AP2B1: variants seen among roughly 807,000 people sequenced by gnomAD.
AP2B1 encodes the protein AP-2 complex subunit beta.
A neutral mutation model predicts 102.0 loss-of-function variants in AP2B1; 23 were observed. That is an observed-to-expected ratio of 0.23 (90% CI 0.16 to 0.32). AP2B1 has a LOEUF of 0.32. AP2B1 is among the 10% of genes least tolerant of loss of function. The pLI is 1.00. For missense variants in AP2B1, 541 were observed against 1,157.4 expected (o/e 0.47, Z 7.73); for synonymous variants, 381 against 421.2 (o/e 0.90, Z 1.17).
chr17:35,624,391 T>A lies in AP2B1; in HGVS notation c.526-6T>A. 6.2e-7 allele frequency: 1 copy of A among 1,613,898 alleles called. No homozygotes were observed. The highest frequency in any genetic ancestry group is 8.5e-7 in the Non-Finnish European group (1 of 1,179,922). ...TGAATCAAGGTCATACCCCCTTCTT[T>A]TCCAGGTGGTGGCTAATGCCGTAGC... On this transcript the variant is annotated splice_region_variant and splice_polypyrimidine_tract_variant and intron_variant, in intron 5 of 21. Coordinates refer to ENST00000610402, the MANE Select transcript of AP2B1 (RefSeq NM_001030006.2).
rs1325990209 is a variant in AP2B1 at position 35,671,979 on chromosome 17, TCTA to T, written c.2178+82_2178+84del. ...TTTCACTTTCAACATTTGTGTTACT[TCTA>T]CTGGTAATAAATCAAAGGTTTGGGC... On this transcript the variant is annotated intron_variant, in intron 16 of 21. Transcript: ENST00000610402. 5 of 1,497,850 alleles carry T rather than the reference TCTA, an allele frequency of 3.3e-6. No homozygotes were observed. In the Admixed American group the frequency reaches 9.0e-5, roughly 27 times the overall value. 92.8% of individuals were successfully genotyped at this position (1,497,850 alleles called of 1,614,324 possible). A position where few individuals can be genotyped will look rare whatever the true frequency, so the allele number is the denominator to read the frequency against.
chr17:35,698,230 T>C (rs1364529153), intron 18 of AP2B1, among the ~76,000 whole-genome samples: 1 of 152,202 alleles, frequency 6.6e-6, no homozygotes, highest in Non-Finnish European at 1.5e-5. Context: ...AATGAATTTT[T>C]TTCACTCAGT....
chr17:35,625,672 A>G (rs1232295476), intron 6 of AP2B1, among the ~76,000 whole-genome samples: 2 of 151,498 alleles, frequency 1.3e-5, no homozygotes, highest in African/African-American at 2.4e-5. Context: ...TATAATATGT[A>G]TAGATAGTGT....
chr17:35,609,743 T>C (rs981129096), intron 5 of AP2B1, among the ~76,000 whole-genome samples: 2 of 152,168 alleles, frequency 1.3e-5, no homozygotes, highest in African/African-American at 4.8e-5. Context: ...CCTCAGTGAA[T>C]TACTGTGCTT....
At chr17:35,676,760 T>A (rs1485923620) in intron 17 of AP2B1, among the ~76,000 whole-genome samples, 1 of 146,230 alleles carries the variant, frequency 6.8e-6, no homozygotes, top group African/African-American at 2.6e-5. Flanking sequence ...ACTACTAATT[T>A]TAAGCATTTT....
chr17:35,704,819 T>C (rs2076307943), intron 18 of AP2B1, among the ~76,000 whole-genome samples: 1 of 151,750 alleles, frequency 6.6e-6, no homozygotes, highest in Admixed American at 6.6e-5. Context: ...GATCACGAGG[T>C]CAGGAATTCG....
intron 10 of AP2B1, 59 bp downstream of exon 10, chr17:35,636,515 T>A: frequency 7.7e-7 from 1 of 1,297,488 alleles, no homozygotes; most frequent in South Asian, 1.2e-5. Flanking sequence ...TTTAAGGCAC[T>A]TTGAAATTGC....
intron 18 of AP2B1, among the ~76,000 whole-genome samples, chr17:35,708,022 T>G (rs2076378511): frequency 6.6e-6 from 1 of 152,212 alleles, no homozygotes; most frequent in African/African-American, 2.4e-5. Context: ...AAGTTGATAC[T>G]AAATGTAGAA....
intron 5 of AP2B1, chr17:35,621,281 A>G (rs1430320145): frequency 1.0e-6 from 1 of 984,934 alleles, no homozygotes; most frequent in Admixed American, 6.1e-5. Context: ...CTTTAGATTC[A>G]GTGCGACTGA....
At position 35,725,288 on chromosome 17, in the gene AP2B1, G is replaced by A. The variant is rs1171370892; in HGVS notation, c.*1589G>A. ...GCATTGCCTGGCACCCAATATTCAG[G>A]GTCCATGACTAAGACTGGTCTTCTC... On this transcript the variant is annotated 3_prime_UTR_variant, in exon 22 of 22. Transcript: ENST00000610402. 2 of 152,120 alleles carry A rather than the reference G, an allele frequency of 1.3e-5. No individual in the cohort carries two copies. The highest frequency in any genetic ancestry group is 2.1e-4 in the South Asian group (1 of 4,828). The allele number at this position is 152,120 out of a possible 1,614,324, so 9.4% of individuals were successfully genotyped here.
At chr17:35,681,047 T>C (rs2075814201) in intron 17 of AP2B1, among the ~76,000 whole-genome samples, 1 of 152,104 alleles carries the variant, frequency 6.6e-6, no homozygotes, top group Non-Finnish European at 1.5e-5. Context: ...TCCTCCCACA[T>C]ATGTATTTGT....
Position 35,627,495 on chromosome 17 carries a change from A to G in AP2B1, c.1049A>G (p.Asn350Ser). 2.5e-6 allele frequency: 4 copies of G among 1,614,080 alleles called. No homozygotes were observed. Among genetic ancestry groups the G allele is most frequent in the East Asian group, 2.2e-5 (1 of 44,878 alleles). ...DIMIRLASQA[N>S]IAQVLAELKE... ...ATGATTCGTTTGGCATCTCAAGCCAACATTGCTCAGGTCAGACTTTATGCA... is the reference window on the plus strand; with the variant it reads ...ATGATTCGTTTGGCATCTCAAGCCAGCATTGCTCAGGTCAGACTTTATGCA... The change falls in exon 8 of 22, where the codon AAC becomes AGC. Residue 350 changes from asparagine (N) to serine (S), a missense_variant. Coordinates refer to ENST00000610402, the MANE Select transcript of AP2B1 (RefSeq NM_001030006.2).
intron 13 of AP2B1, among the ~76,000 whole-genome samples, chr17:35,653,216 C>CT (rs1035426423): frequency 3.6e-4 from 55 of 152,270 alleles, no homozygotes; most frequent in African/African-American, 1.3e-3. Flanking sequence ...TTGATCCTTG[C>CT]TTTAATAAAA....
chr17:35,603,316 G>A (rs1461627800), intron 3 of AP2B1, among the ~76,000 whole-genome samples: 1 of 152,084 alleles, frequency 6.6e-6, no homozygotes, highest in African/African-American at 2.4e-5. Context: ...ATAAAGCATT[G>A]TGGGGAAGAT....
In AP2B1 at chr17:35,624,493, C is replaced by T. The variant is rs561847181; in HGVS notation, c.622C>T (p.Leu208=). ...DLNPQNINKL[L]TALNECTEWG... is the part of the protein sequence containing the mutation. Reference sequence around the variant, plus strand: ...GAACCCACAGAACATTAATAAGCTGCTGACAGCCCTGAATGAATGCACTGA... The same window carrying T: ...GAACCCACAGAACATTAATAAGCTGTTGACAGCCCTGAATGAATGCACTGA... The change falls in exon 6 of 22, where the codon CTG becomes TTG. Residue 208 remains leucine (L), a synonymous_variant. Transcript: ENST00000610402. 2.5e-6 allele frequency: 4 copies of T among 1,614,186 alleles called. No individual in the cohort carries two copies. In the East Asian group the frequency reaches 6.7e-5, roughly 27 times the overall value.
intron 18 of AP2B1, among the ~76,000 whole-genome samples, chr17:35,700,774 G>C (rs1258955998): frequency 6.6e-6 from 1 of 152,198 alleles, no homozygotes; most frequent in African/African-American, 2.4e-5. Context: ...CTAATTGCTG[G>C]TTACAGGCTT....
Position 35,717,446 on chromosome 17 carries a change from C to T in AP2B1, c.2781+97C>T, listed in dbSNP as rs1057328480. 78 of 1,374,506 alleles carry T rather than the reference C, an allele frequency of 5.7e-5. No homozygotes were observed. The Admixed American group carries it at 1.3e-3, about 23-fold the overall frequency. 85.1% of individuals were successfully genotyped at this position (1,374,506 alleles called of 1,614,324 possible). ...ACCCTAGAAAGACCTGGAGGAGGTG[C>T]TTTAAACCTGAGATATACAAAATAA... On this transcript the variant is annotated intron_variant, in intron 21 of 21. Transcript: ENST00000610402.
chr17:35,707,504 G>A (rs934130900), intron 18 of AP2B1, among the ~76,000 whole-genome samples: 2 of 143,014 alleles, frequency 1.4e-5, no homozygotes, highest in African/African-American at 5.2e-5. Flanking sequence ...CCAGGCTGGA[G>A]TGCGGTGGCG....
chr17:35,674,374 C>G, intron 17 of AP2B1, 53 bp downstream of exon 17: 1 of 1,597,130 alleles, frequency 6.3e-7, no homozygotes, highest in Non-Finnish European at 8.6e-7. Context: ...TGCCTTAGAA[C>G]CAACAAGAGA....
Sources: gnomAD v4.1 joint callset for allele counts (sites outside exome capture counted in the v4.1 genomes callset) on GRCh38, gnomAD v4.1.1 for gene constraint, MANE v1.5 for transcripts, NCBI Gene and HGNC (gene_info 2026-07-23, HGNC 2026-07-21) for gene names.